VAV1: variants seen among roughly 807,000 people sequenced by gnomAD.
VAV1 encodes the protein proto-oncogene vav.
Under a neutral mutation model 128.1 loss-of-function variants are expected in VAV1, and 33 were observed. The ratio of observed to expected loss-of-function variants is 0.26; its 90% confidence interval spans 0.20 to 0.34. The LOEUF is 0.34. Among genes scored for constraint, VAV1 ranks in the 10% least tolerant of loss-of-function variants. The probability of loss-of-function intolerance (pLI) is 1.00; values close to 1 mark genes in which losing one functional copy is unlikely to be tolerated. For synonymous variants in VAV1, 394 were observed against 409.8 expected, an observed-to-expected ratio of 0.96 and a Z score of 0.47; for missense variants, 715 against 1,093.7, an observed-to-expected ratio of 0.65 and a Z score of 4.88.
At chr19:6,857,022 G>T (rs1185278403) in intron 26 of VAV1, 32 bp from the exon 27 acceptor site, 10 of 1,606,264 alleles carry the variant, frequency 6.2e-6, no homozygotes, top group Admixed American at 1.7e-5. Flanking sequence ...ATGTGCAGAG[G>T]TTGCACTGAT....
intron 1 of VAV1, among the ~76,000 whole-genome samples, chr19:6,811,810 A>G (rs1220517279): frequency 6.6e-6 from 1 of 152,182 alleles, no homozygotes; most frequent in African/African-American, 2.4e-5. Flanking sequence ...CAAACAAGAC[A>G]TTTCAGTGAC....
In VAV1 at chr19:6,822,092, T is replaced by C; in HGVS notation, c.450-129T>C. 1 of 1,043,886 alleles carries C rather than the reference T, an allele frequency of 9.6e-7. No individual in the cohort carries two copies. The highest frequency in any genetic ancestry group is 1.4e-6 in the Non-Finnish European group (1 of 707,330). 64.7% of individuals were successfully genotyped at this position (1,043,886 alleles called of 1,614,324 possible). A position where few individuals can be genotyped will look rare whatever the true frequency, so the allele number is the denominator to read the frequency against. On this transcript the variant is annotated intron_variant, in intron 4 of 26. Coordinates refer to ENST00000602142, the MANE Select transcript of VAV1 (RefSeq NM_005428.4). The surrounding 1 kb of genome is among the most constrained non-coding windows in gnomAD (Gnocchi z 5.9). ...CCCTGCCCTGGAGCTTGGAGGGACA[T>C]GGCCTGCCCTTGGAGTCTGAGGTCC...
rs575216503 is a variant in VAV1, at chr19:6,788,735, C to G, written c.204+15724C>G. Among the ~76,000 whole-genome samples the G allele has an allele frequency of 1.8e-3, 276 of 152,196 alleles. 2 individuals are homozygous for G. The highest frequency in any genetic ancestry group is 3.1e-3 in the Non-Finnish European group (214 of 68,014). On this transcript the variant is annotated intron_variant, in intron 1 of 26. Coordinates refer to ENST00000602142, the MANE Select transcript of VAV1 (RefSeq NM_005428.4). ...GGCTGGTCACATGTCTATTTCTGAA[C>G]CGGCTGCTGTGGCCAGGAGAATACC...
intron 1 of VAV1, among the ~76,000 whole-genome samples, chr19:6,781,685 G>A (rs1970769558): frequency 6.7e-6 from 1 of 150,196 alleles, no homozygotes; most frequent in African/African-American, 2.5e-5. Flanking sequence ...TCAGCTCACT[G>A]CAACCTCCGC....
chr19:6,832,620 C>CTCTTCTTCCTCCTCCTCCCCTTCCTCT, intron 15 of VAV1, among the ~76,000 whole-genome samples: 1 of 94,076 alleles, frequency 1.1e-5, no homozygotes, highest in East Asian at 3.5e-4. Context: ...CCTCCTCCAC[C>CTCTTCTTCCTCCTCCTCCCCTTCCTCT]TCTTCTTCCT....
At chr19:6,780,608 A>T (rs796473141) in intron 1 of VAV1, among the ~76,000 whole-genome samples, 4 of 127,996 alleles carry the variant, frequency 3.1e-5, no homozygotes, top group African/African-American at 1.2e-4. Context: ...GTCTCACTCT[A>T]TTCCTCAGGC....
chr19:6,816,847 C>T (rs1220786855), intron 1 of VAV1, among the ~76,000 whole-genome samples: 5 of 151,700 alleles, frequency 3.3e-5, no homozygotes, highest in African/African-American at 1.2e-4. Flanking sequence ...TCCTGTAGTT[C>T]CAGCTACTTG....
rs200915324 is a variant in VAV1, at chr19:6,832,638, C to T, written c.1508+438C>T. On this transcript the variant is annotated intron_variant, in intron 15 of 26. Transcript: ENST00000602142. ...CCTCCACCTCTTCTTCCTCCTCCTC[C>T]CTTTCCTCCCCTTCTTCCTCCTCCT... Among the ~76,000 whole-genome samples, 5 of 138,422 alleles carry T rather than the reference C, an allele frequency of 3.6e-5. No homozygotes were observed. The East Asian group carries it at 1.1e-3, about 32-fold the overall frequency. The allele number at this position is 138,422 out of a possible 152,430, so 90.8% of individuals were successfully genotyped here.
rs1971914108 is a variant in VAV1 at position 6,826,204 on chromosome 19, G to GGT, written c.828-407_828-406insTG. On this transcript the variant is annotated intron_variant, in intron 8 of 26. Transcript: ENST00000602142. This position sits in a 1 kb window ranked among gnomAD's most constrained non-coding sequence, Gnocchi z 4.1. ...AATACAAAAATTAGCCAGGCATGGT[G>GGT]GCAGGTGTCTGTAATCCCAGCTACT... Among the ~76,000 whole-genome samples, 3 of 151,788 alleles carry GGT rather than the reference G, an allele frequency of 2.0e-5. No homozygotes were observed. The South Asian group carries it at 6.2e-4, about 32-fold the overall frequency.
chr19:6,817,130 C>T (rs1971672194), intron 1 of VAV1, among the ~76,000 whole-genome samples: 1 of 151,478 alleles, frequency 6.6e-6, no homozygotes, highest in East Asian at 2.0e-4. Context: ...CTCACTGCAA[C>T]CTCCGCCTCC....
Position 6,822,355 on chromosome 19 carries a change from G to C in VAV1, c.558+26G>C, listed in dbSNP as rs1446940482. 1.7e-5 allele frequency: 26 copies of C among 1,559,590 alleles called. No individual in the cohort carries two copies. Among genetic ancestry groups the C allele is most frequent in the Non-Finnish European group, 2.2e-5 (25 of 1,152,526 alleles). ...GTGCGTGACGTGGAGGGTCGGGCCT[G>C]GGGAGGGCGTGGGCGGGGGGCAGCC... On this transcript the variant is annotated intron_variant, in intron 5 of 26. Transcript: ENST00000602142. This position sits in a 1 kb window ranked among gnomAD's most constrained non-coding sequence, Gnocchi z 5.9.
chr19:6,838,101 A>T (rs111838239), intron 21 of VAV1, among the ~76,000 whole-genome samples: 1 of 117,844 alleles, frequency 8.5e-6, no homozygotes, highest in African/African-American at 4.3e-5. Context: ...CTGTCTGTCT[A>T]TCTATCTATC....
At chr19:6,808,350 C>T (rs1847884648) in intron 1 of VAV1, among the ~76,000 whole-genome samples, 1 of 152,196 alleles carries the variant, frequency 6.6e-6, no homozygotes, top group South Asian at 2.1e-4. Context: ...CCAATTCTCT[C>T]CTCCCCAATA....
intron 1 of VAV1, among the ~76,000 whole-genome samples, chr19:6,808,204 C>T (rs559999653): frequency 7.7e-4 from 117 of 151,362 alleles, no homozygotes; most frequent in African/African-American, 2.7e-3. Context: ...CCCAGCTACT[C>T]GAGAGGCTGA....
chr19:6,853,855 T>C, intron 25 of VAV1, 92 bp from the exon 26 acceptor site: 2 of 1,521,396 alleles, frequency 1.3e-6, no homozygotes, highest in Non-Finnish European at 1.8e-6. Context: ...GAGCCCTTTA[T>C]CCTGGAGTTA....
intron 6 of VAV1, among the ~76,000 whole-genome samples, chr19:6,823,807 A>G (rs1215646032): frequency 6.6e-6 from 1 of 152,188 alleles, no homozygotes; most frequent in Non-Finnish European, 1.5e-5. Flanking sequence ...TCATTAATAT[A>G]CATGTAATCC....
chr19:6,856,219 C>T (rs1019277210), intron 26 of VAV1, among the ~76,000 whole-genome samples: 1 of 151,990 alleles, frequency 6.6e-6, no homozygotes, highest in Non-Finnish European at 1.5e-5. Context: ...ATCGCTTGAA[C>T]CCAGGAGGCG....
chr19:6,819,183 C>T (rs902461623), intron 1 of VAV1, among the ~76,000 whole-genome samples: 1 of 152,162 alleles, frequency 6.6e-6, no homozygotes, highest in Admixed American at 6.5e-5. Flanking sequence ...TGTTTTATAT[C>T]ACAGAATGGA....
intron 1 of VAV1, among the ~76,000 whole-genome samples, chr19:6,781,868 A>G (rs1392044058): frequency 6.6e-6 from 1 of 151,972 alleles, no homozygotes; most frequent in Non-Finnish European, 1.5e-5. Context: ...TTGGCCTCCC[A>G]AAGTGCTGGG....
Sources: gnomAD v4.1 joint callset for allele counts (sites outside exome capture counted in the v4.1 genomes callset) on GRCh38, gnomAD v4.1.1 for gene constraint, Gnocchi (gnomAD v3.1) non-coding constraint, MANE v1.5 for transcripts, NCBI Gene and HGNC (gene_info 2026-07-23, HGNC 2026-07-21) for gene names.